ZNF385C: variants seen among roughly 807,000 people sequenced by gnomAD.
ZNF385C encodes the protein CTD-2132N18.2.
In ZNF385C, 28 loss-of-function variants were observed where a neutral mutation model predicts 35.4. The ratio of observed to expected loss-of-function variants is 0.79; its 90% CI spans 0.59 to 1.08. The LOEUF is 1.08. Among genes scored for constraint, ZNF385C ranks in the 50% least tolerant of loss-of-function variants. ZNF385C has a pLI of 0.00. For synonymous variants in ZNF385C, 248 were observed against 248.2 expected, an observed-to-expected ratio of 1.00 and a Z score of 0.01; for missense variants, 605 against 595.6, an observed-to-expected ratio of 1.02 and a Z score of -0.16.
At chr17:42,085,754 C>T (rs771474221) in intron 1 of ZNF385C, among the ~76,000 whole-genome samples, 7 of 152,032 alleles carry the variant, frequency 4.6e-5, no homozygotes, top group Non-Finnish European at 8.8e-5. Context: ...TCTGTCTCTG[C>T]GCCTGGCTAA....
At position 42,062,750 on chromosome 17, in the gene ZNF385C, C is replaced by T. The variant is rs2053481657; in HGVS notation, c.250+57G>A. On this transcript the variant is annotated intron_variant, in intron 2 of 8. Coordinates refer to ENST00000692273, the MANE Select transcript of ZNF385C (RefSeq NM_001392013.1). ...AGACCCAGAGCCCCTCAGAGGGGCC[C>T]AGACAGAGATACTCCCCAAACCAAA... 3 of 500,512 alleles carry T rather than the reference C, an allele frequency of 6.0e-6. No homozygotes were observed. In the East Asian group the frequency reaches 1.0e-4, roughly 17 times the overall value. The allele number at this position is 500,512 out of a possible 1,614,324, so 31.0% of individuals were successfully genotyped here.
intron 2 of ZNF385C, among the ~76,000 whole-genome samples, chr17:42,056,951 C>G (rs2053385561): frequency 6.6e-6 from 1 of 152,076 alleles, no homozygotes; most frequent in African/African-American, 2.4e-5. Context: ...CTAATACACC[C>G]TATCTCTACA....
rs984402682 is a variant in ZNF385C at position 42,031,483 on chromosome 17, G to A, written c.676+136C>T. Reference sequence around the variant, plus strand: ...TCAGCTTAGGAAAATTCATGGCGTGGTACACTTGTGTGCCTTTGCCTGTCT... The same window carrying A: ...TCAGCTTAGGAAAATTCATGGCGTGATACACTTGTGTGCCTTTGCCTGTCT... On this transcript the variant is annotated intron_variant, in intron 5 of 8. Coordinates refer to ENST00000692273, the MANE Select transcript of ZNF385C (RefSeq NM_001392013.1). 7 of 1,141,100 alleles carry A rather than the reference G, an allele frequency of 6.1e-6. No individual in the cohort carries two copies. The East Asian group carries it at 1.0e-4, about 17-fold the overall frequency. 70.7% of individuals were successfully genotyped at this position (1,141,100 alleles called of 1,614,324 possible).
In ZNF385C at chr17:42,062,899, T is replaced by G; in HGVS notation, c.158A>C (p.Asn53Thr). 1 of 682,676 alleles carries G rather than the reference T, an allele frequency of 1.5e-6. No homozygotes were observed. The highest frequency in any genetic ancestry group is 2.7e-6 in the Non-Finnish European group (1 of 375,152). The allele number at this position is 682,676 out of a possible 1,614,324, so 42.3% of individuals were successfully genotyped here. Residue 53 changes from asparagine (N) to threonine (T), a missense_variant, in exon 2 of 9, where the codon AAC becomes ACC. Transcript: ENST00000692273. ...TLCDVCNIQL[N>T]SAAQAQVHCG... ...GTGCACCTGGGCCTGGGCCGCCGAGTTCAGCTGGATGTTGCAGACATCACA... is the reference window on the plus strand; with the variant it reads ...GTGCACCTGGGCCTGGGCCGCCGAGGTCAGCTGGATGTTGCAGACATCACA...
intron 1 of ZNF385C, among the ~76,000 whole-genome samples, chr17:42,074,731 C>T (rs964733436): frequency 1.2e-4 from 19 of 152,172 alleles, no homozygotes; most frequent in South Asian, 2.1e-4. Context: ...GGAGGACAGT[C>T]GTGGTATACC....
chr17:42,058,300 G>A (rs939157001), intron 2 of ZNF385C, among the ~76,000 whole-genome samples: 3 of 152,156 alleles, frequency 2.0e-5, no homozygotes, highest in Admixed American at 6.6e-5. Flanking sequence ...AGCCCTGCAG[G>A]CCCCTAATCA....
intron 1 of ZNF385C, among the ~76,000 whole-genome samples, chr17:42,064,103 C>CTTTCTGTCTCTTCGGG (rs1555658282): frequency 6.6e-6 from 1 of 151,696 alleles, no homozygotes; most frequent in African/African-American, 2.4e-5. Flanking sequence ...CACACACACA[C>CTTTCTGTCTCTTCGGG]ACACACACAC....
At chr17:42,035,259 T>G (rs1261987153) in intron 3 of ZNF385C, among the ~76,000 whole-genome samples, 2 of 151,972 alleles carry the variant, frequency 1.3e-5, no homozygotes, top group Non-Finnish European at 2.9e-5. Flanking sequence ...CAGAGTGCCC[T>G]GCATGTTTCT....
At chr17:42,028,309 C>A in intron 6 of ZNF385C, 63 bp from the exon 7 acceptor site, 1 of 1,468,092 alleles carries the variant, frequency 6.8e-7, no homozygotes, top group East Asian at 2.3e-5. Context: ...ACAGAGACCC[C>A]CTCCACACTC....
At chr17:42,051,702 A>G (rs565149440) in intron 2 of ZNF385C, among the ~76,000 whole-genome samples, 6 of 152,084 alleles carry the variant, frequency 3.9e-5, no homozygotes, top group Non-Finnish European at 8.8e-5. Flanking sequence ...GTCACCCAGA[A>G]ATGCCTTCCA....
At chr17:42,029,105 A>G (rs782414977) in intron 5 of ZNF385C, 32 bp from the exon 6 acceptor site, 1 of 1,534,886 alleles carries the variant, frequency 6.5e-7, no homozygotes, top group Non-Finnish European at 8.8e-7. Flanking sequence ...GTGAGACCCA[A>G]GATGACGCTG....
chr17:42,072,646 C>T (rs2053641533), intron 1 of ZNF385C, among the ~76,000 whole-genome samples: 1 of 152,052 alleles, frequency 6.6e-6, no homozygotes. Context: ...CCCGGCCCCG[C>T]GCTCTCCCGG....
At chr17:42,097,073 G>T (rs2053926444) in intron 1 of ZNF385C, among the ~76,000 whole-genome samples, 1 of 151,776 alleles carries the variant, frequency 6.6e-6, no homozygotes, top group South Asian at 2.1e-4. Flanking sequence ...GGGGACACTG[G>T]TACTTTCTGA....
intron 5 of ZNF385C, among the ~76,000 whole-genome samples, chr17:42,029,715 A>G (rs1011710969): frequency 2.2e-4 from 34 of 151,976 alleles, no homozygotes; most frequent in African/African-American, 8.0e-4. Flanking sequence ...CGCCATCTCA[A>G]AAACAAACAA....
intron 2 of ZNF385C, chr17:42,039,724 A>G: frequency 8.1e-7 from 1 of 1,232,518 alleles, no homozygotes; most frequent in Non-Finnish European, 1.0e-6. Flanking sequence ...CTGCGACCCC[A>G]GGAAGCCCTC....
chr17:42,058,864 C>T (rs782814712), intron 2 of ZNF385C, among the ~76,000 whole-genome samples: 1 of 152,318 alleles, frequency 6.6e-6, no homozygotes, highest in Non-Finnish European at 1.5e-5. Context: ...ACCATGTTGG[C>T]CAGGCTGGTC....
At chr17:42,039,667 G>C in intron 2 of ZNF385C, 1 of 1,231,464 alleles carries the variant, frequency 8.1e-7, no homozygotes, top group Middle Eastern at 3.1e-4. Flanking sequence ...CAGTGCCCAG[G>C]GCCCCAGGCT....
chr17:42,039,581 TG>T, intron 2 of ZNF385C: 1 of 918,186 alleles, frequency 1.1e-6, no homozygotes, highest in Non-Finnish European at 1.4e-6. Flanking sequence ...GGCGGGTGGA[TG>T]GCCTCAGGCC....
intron 1 of ZNF385C, among the ~76,000 whole-genome samples, chr17:42,081,165 G>A (rs1555659685): frequency 6.6e-6 from 1 of 152,160 alleles, no homozygotes; most frequent in Non-Finnish European, 1.5e-5. Context: ...TGCAAATCTG[G>A]GTTAGGGGAA....
Sources: allele counts gnomAD v4.1 joint callset (sites outside exome capture counted in the v4.1 genomes callset), GRCh38; gene constraint gnomAD v4.1.1; transcripts MANE v1.5; gene names NCBI Gene and HGNC (gene_info 2026-07-23, HGNC 2026-07-21).